The following TTC27 variants were observed in gnomAD, a reference collection of about 807,000 sequenced individuals.
TTC27 encodes the protein tetratricopeptide repeat domain 27, also known as tetratricopeptide repeat protein 27.
In TTC27, 79 loss-of-function variants were observed where a neutral mutation model predicts 115.9. That is an observed-to-expected ratio of 0.68 (90% CI 0.57 to 0.82). The LOEUF (loss-of-function observed/expected upper bound fraction) is 0.82, where lower values mean the gene tolerates loss of function less well. TTC27 is among the 40% of genes least tolerant of loss of function. TTC27 has a pLI of 0.00. For missense variants in TTC27, 1,054 were observed against 993.1 expected (o/e 1.06, Z -0.82); for synonymous variants, 401 against 356.0 (o/e 1.13, Z -1.42).
At chr2:32,694,846 T>A (rs1458277497) in intron 9 of TTC27, among the ~76,000 whole-genome samples, 4 of 151,558 alleles carry the variant, frequency 2.6e-5, no homozygotes, top group Admixed American at 1.3e-4. Context: ...TTTTTTTTTT[T>A]ATTTTTATTT....
rs77321087 is a variant in TTC27, at chr2:32,640,367, G to A, written c.494G>A (p.Arg165His). The A allele has an allele frequency of 0.031, 49,668 of 1,613,662 alleles. 879 individuals are homozygous for A. Among genetic ancestry groups the A allele is most frequent in the South Asian group, 0.048 (4,410 of 91,062 alleles). ...TSKPILLLLA[R>H]IILVNVRHKL... ...AAGCCTATACTACTGTTATTAGCAC[G>A]CATTATCCTAGTGAATGTAAGACAT... is the stretch of plus-strand genomic sequence containing the variant. Residue 165 changes from arginine to histidine, a missense_variant, in exon 4 of 20, where the codon CGC (arginine) becomes CAC (histidine). Transcript: ENST00000317907.
At chr2:32,758,814 C>T (rs953339382) in intron 13 of TTC27, among the ~76,000 whole-genome samples, 1 of 151,538 alleles carries the variant, frequency 6.6e-6, no homozygotes, top group African/African-American at 2.4e-5. Flanking sequence ...CAATTTTGAG[C>T]GGATATGTTA....
intron 13 of TTC27, among the ~76,000 whole-genome samples, chr2:32,768,465 CA>C (rs781185846): frequency 6.6e-6 from 1 of 152,178 alleles, no homozygotes; most frequent in Non-Finnish European, 1.5e-5. Flanking sequence ...TAAGCATTAT[CA>C]AGTACTTGTA....
At chr2:32,706,181 C>T (rs1421787926) in intron 10 of TTC27, among the ~76,000 whole-genome samples, 1 of 132,886 alleles carries the variant, frequency 7.5e-6, no homozygotes, top group Non-Finnish European at 1.5e-5. Flanking sequence ...TCCCTGGGTT[C>T]AAACGATTCT....
chr2:32,793,099 A>G (rs1007350218), intron 16 of TTC27, among the ~76,000 whole-genome samples: 6 of 152,162 alleles, frequency 3.9e-5, no homozygotes, highest in Non-Finnish European at 7.4e-5. Flanking sequence ...ACTCAGTGGG[A>G]TAGTATTGGT....
intron 16 of TTC27, among the ~76,000 whole-genome samples, chr2:32,803,580 A>G (rs113201870): frequency 7.2e-5 from 11 of 152,130 alleles, no homozygotes; most frequent in African/African-American, 2.7e-4. Context: ...TCAGATCATT[A>G]ACTTTCTCTT....
intron 9 of TTC27, among the ~76,000 whole-genome samples, chr2:32,688,631 T>C (rs1666716428): frequency 6.6e-6 from 1 of 152,058 alleles, no homozygotes. Flanking sequence ...AACAAAGATA[T>C]ATGCATGGCC....
intron 2 of TTC27, among the ~76,000 whole-genome samples, chr2:32,631,924 C>T (rs1664231816): frequency 6.6e-6 from 1 of 151,516 alleles, no homozygotes; most frequent in Admixed American, 6.6e-5. Context: ...GATTCTCTTC[C>T]CTCAGGTTCC....
intron 5 of TTC27, among the ~76,000 whole-genome samples, chr2:32,657,921 C>T (rs924719963): frequency 2.6e-5 from 4 of 152,180 alleles, no homozygotes; most frequent in Admixed American, 6.5e-5. Flanking sequence ...CCTCCACCTT[C>T]GGGGTTCAAG....
At chr2:32,818,738 G>T (rs1372564897) in intron 19 of TTC27, among the ~76,000 whole-genome samples, 1 of 152,026 alleles carries the variant, frequency 6.6e-6, no homozygotes, top group African/African-American at 2.4e-5. Context: ...AAGTAATTTT[G>T]ACTTACTTCC....
chr2:32,665,018 TG>T (rs1665717507), intron 6 of TTC27, among the ~76,000 whole-genome samples: 1 of 151,680 alleles, frequency 6.6e-6, no homozygotes, highest in Admixed American at 6.6e-5. Flanking sequence ...ATTTTTTTTT[TG>T]TATTTTTAGT....
At chr2:32,666,529 A>C in intron 6 of TTC27, 106 bp from the exon 7 acceptor site, 1 of 1,211,154 alleles carries the variant, frequency 8.3e-7, no homozygotes. Flanking sequence ...TGTGAAATGG[A>C]GAAAATACCT....
At chr2:32,731,510 G>A (rs1668290777) in intron 10 of TTC27, among the ~76,000 whole-genome samples, 1 of 151,988 alleles carries the variant, frequency 6.6e-6, no homozygotes, top group South Asian at 2.1e-4. Flanking sequence ...TAAATAGCTG[G>A]GCCCATGGGC....
At chr2:32,742,441 A>G (rs1668677413) in intron 12 of TTC27, among the ~76,000 whole-genome samples, 1 of 152,266 alleles carries the variant, frequency 6.6e-6, no homozygotes, top group Non-Finnish European at 1.5e-5. Context: ...CCTTTAAAAA[A>G]ATCAAGCCAG....
intron 9 of TTC27, among the ~76,000 whole-genome samples, chr2:32,699,310 G>A (rs939237569): frequency 1.3e-5 from 2 of 152,242 alleles, no homozygotes; most frequent in Non-Finnish European, 2.9e-5. Flanking sequence ...GACAGAGCCA[G>A]CCTTGTAGGC....
At chr2:32,688,169 T>A (rs893131086) in intron 9 of TTC27, among the ~76,000 whole-genome samples, 3 of 152,180 alleles carry the variant, frequency 2.0e-5, no homozygotes, top group African/African-American at 7.2e-5. Flanking sequence ...CATAAATAAC[T>A]ACTGCGTATG....
At chr2:32,773,795 T>C (rs1320377063) in intron 13 of TTC27, among the ~76,000 whole-genome samples, 1 of 152,204 alleles carries the variant, frequency 6.6e-6, no homozygotes, top group Non-Finnish European at 1.5e-5. Flanking sequence ...CTATAATATA[T>C]GAAAGAAGCT....
intron 16 of TTC27, among the ~76,000 whole-genome samples, chr2:32,805,234 C>G (rs1449927416): frequency 6.6e-6 from 1 of 152,168 alleles, no homozygotes; most frequent in African/African-American, 2.4e-5. Context: ...TAGCATCATC[C>G]TCATAGGGTT....
intron 12 of TTC27, among the ~76,000 whole-genome samples, chr2:32,738,959 A>T (rs1264923636): frequency 6.6e-6 from 1 of 152,230 alleles, no homozygotes; most frequent in African/African-American, 2.4e-5. Flanking sequence ...AATAGACTGA[A>T]AAAAATCAAA....
Sources: gnomAD v4.1 joint callset for allele counts (sites outside exome capture counted in the v4.1 genomes callset) on GRCh38, gnomAD v4.1.1 for gene constraint, MANE v1.5 for transcripts, NCBI Gene and HGNC (gene_info 2026-07-23, HGNC 2026-07-21) for gene names.